The following TMEM132D variants were observed in gnomAD, a reference collection of about 807,000 sequenced individuals.
TMEM132D encodes mature OL transmembrane protein.
Under a neutral mutation model 62.3 loss-of-function variants are expected in TMEM132D, and 21 were observed. The ratio of observed to expected loss-of-function variants is 0.34; its 90% confidence interval spans 0.24 to 0.49. TMEM132D has a LOEUF of 0.49. Ranked by LOEUF, TMEM132D falls within the 20% of genes least tolerant of loss-of-function variation. The pLI is 0.99. For synonymous variants in TMEM132D, 621 were observed against 575.6 expected (o/e 1.08, Z -1.13); for missense variants, 1,346 against 1,402.8 (o/e 0.96, Z 0.65).
chr12:129,350,034 CTT>C (rs1183305550), intron 3 of TMEM132D, among the ~76,000 whole-genome samples: 2 of 152,214 alleles, frequency 1.3e-5, no homozygotes, highest in African/African-American at 4.8e-5. Flanking sequence ...ATCTGGCTGT[CTT>C]TATTACCTGT....
chr12:129,678,117 AGTGCTTCT>A (rs72249299), intron 2 of TMEM132D, among the ~76,000 whole-genome samples: 31,922 of 151,980 alleles, frequency 0.21, 3,513 homozygotes, highest in East Asian at 0.39. Flanking sequence ...TGATATAAAC[AGTGCTTCT>A]ACGAATATTT....
chr12:129,753,402 C>A (rs1870064019), intron 1 of TMEM132D, among the ~76,000 whole-genome samples: 1 of 152,136 alleles, frequency 6.6e-6, no homozygotes, highest in African/African-American at 2.4e-5. Context: ...GTATCTTTTT[C>A]TTGAAACTTA....
intron 2 of TMEM132D, among the ~76,000 whole-genome samples, chr12:129,643,942 C>A (rs533300526): frequency 2.7e-4 from 41 of 151,712 alleles, no homozygotes; most frequent in African/African-American, 9.2e-4. Flanking sequence ...GCAACCTCGG[C>A]CTCCTGGGTT....
At chr12:129,518,838 C>T (rs182188618) in intron 3 of TMEM132D, among the ~76,000 whole-genome samples, 4 of 152,048 alleles carry the variant, frequency 2.6e-5, no homozygotes, top group East Asian at 1.9e-4. Context: ...ATGTGAACAC[C>T]GTGCTTAGGT....
intron 4 of TMEM132D, among the ~76,000 whole-genome samples, chr12:129,291,589 T>C (rs1881447728): frequency 6.6e-6 from 1 of 152,178 alleles, no homozygotes; most frequent in Non-Finnish European, 1.5e-5. Flanking sequence ...ACGGAAAATG[T>C]CTGTAAAATT....
intron 1 of TMEM132D, among the ~76,000 whole-genome samples, chr12:129,806,449 A>C (rs1871983882): frequency 7.4e-6 from 1 of 134,264 alleles, no homozygotes; most frequent in African/African-American, 2.8e-5. Flanking sequence ...AAGAACAAAA[A>C]ACCAAACACC....
At chr12:129,598,047 A>AAAC (rs567539460) in intron 2 of TMEM132D, among the ~76,000 whole-genome samples, 12 of 152,106 alleles carry the variant, frequency 7.9e-5, no homozygotes, top group East Asian at 1.9e-4. Context: ...ATACTTGCAA[A>AAAC]AACAACAACA....
At chr12:129,824,477 C>A (rs1872611164) in intron 1 of TMEM132D, among the ~76,000 whole-genome samples, 1 of 152,108 alleles carries the variant, frequency 6.6e-6, no homozygotes, top group African/African-American at 2.4e-5. Flanking sequence ...AGCCCTCGCC[C>A]CAAGTATGAC....
chr12:129,543,146 G>A (rs894474381), intron 2 of TMEM132D, among the ~76,000 whole-genome samples: 2 of 137,218 alleles, frequency 1.5e-5, no homozygotes, highest in Non-Finnish European at 3.1e-5. Flanking sequence ...TGGACAGCTG[G>A]ACAGATGGAT....
At chr12:129,431,717 C>T (rs1227572667) in intron 3 of TMEM132D, among the ~76,000 whole-genome samples, 2 of 152,188 alleles carry the variant, frequency 1.3e-5, no homozygotes, top group Admixed American at 6.5e-5. Flanking sequence ...TGGAAACCTC[C>T]ATGGGTTTCC....
chr12:129,725,367 G>A (rs2398478), intron 1 of TMEM132D, among the ~76,000 whole-genome samples: 124,288 of 152,262 alleles, frequency 0.82, 51,424 homozygotes, highest in Non-Finnish European at 0.9. Context: ...ATAAAAGCTC[G>A]CTAATTTGTA....
chr12:129,458,864 T>C (rs372998861), intron 3 of TMEM132D, among the ~76,000 whole-genome samples: 11 of 152,316 alleles, frequency 7.2e-5, no homozygotes, highest in African/African-American at 2.6e-4. Flanking sequence ...CACGGGGTGG[T>C]ATCCAAGACC....
intron 4 of TMEM132D, among the ~76,000 whole-genome samples, chr12:129,266,831 T>C (rs1880709301): frequency 6.6e-6 from 1 of 152,134 alleles, no homozygotes; most frequent in Non-Finnish European, 1.5e-5. Context: ...GTCTCTGCTA[T>C]CACCACCCAA....
intron 3 of TMEM132D, among the ~76,000 whole-genome samples, chr12:129,443,255 A>T (rs1872991379): frequency 6.6e-6 from 1 of 152,164 alleles, no homozygotes; most frequent in East Asian, 1.9e-4. Flanking sequence ...AACTCCTCTG[A>T]AGACAAGTGT....
chr12:129,274,811 C>T (rs1279180266), intron 4 of TMEM132D, among the ~76,000 whole-genome samples: 1 of 152,080 alleles, frequency 6.6e-6, no homozygotes, highest in East Asian at 1.9e-4. Flanking sequence ...GGCGTGAACC[C>T]GGGAGGCGGA....
At chr12:129,205,906 A>T (rs1878836953) in intron 5 of TMEM132D, among the ~76,000 whole-genome samples, 1 of 152,004 alleles carries the variant, frequency 6.6e-6, no homozygotes, top group Non-Finnish European at 1.5e-5. Flanking sequence ...TAAACAACCT[A>T]CTCCTGAATG....
chr12:129,419,175 G>C (rs953362286), intron 3 of TMEM132D, among the ~76,000 whole-genome samples: 1 of 146,224 alleles, frequency 6.8e-6, no homozygotes, highest in Non-Finnish European at 1.5e-5. Flanking sequence ...CTATTTCCTT[G>C]AGAGTCCCCA....
chr12:129,224,794 C>G (rs1233029247), intron 4 of TMEM132D, among the ~76,000 whole-genome samples: 1 of 152,158 alleles, frequency 6.6e-6, no homozygotes, highest in Non-Finnish European at 1.5e-5. Context: ...GTCCCAGCTA[C>G]TCAGGAGGCT....
intron 1 of TMEM132D, among the ~76,000 whole-genome samples, chr12:129,720,613 G>A (rs1868788320): frequency 6.6e-6 from 1 of 152,104 alleles, no homozygotes; most frequent in Non-Finnish European, 1.5e-5. Flanking sequence ...GGGAGACGTT[G>A]GCACAATCTG....
Sources: gnomAD v4.1 joint callset for allele counts (sites outside exome capture counted in the v4.1 genomes callset) on GRCh38, gnomAD v4.1.1 for gene constraint, MANE v1.5 for transcripts, NCBI Gene and HGNC (gene_info 2026-07-23, HGNC 2026-07-21) for gene names.